SNTG2: variants seen among roughly 807,000 people sequenced by gnomAD.
SNTG2 encodes gamma-2-syntrophin.
SNTG2 carries 74 observed loss-of-function variants against 70.9 expected under a neutral mutation model. The ratio of observed to expected loss-of-function variants is 1.04; its 90% CI spans 0.86 to 1.27. The LOEUF (loss-of-function observed/expected upper bound fraction) is 1.27. Among genes scored for constraint, SNTG2 ranks in the 50% most tolerant of loss-of-function variants. The pLI is 0.00. For missense variants in SNTG2, 717 were observed against 690.7 expected (o/e 1.04, Z -0.43); for synonymous variants, 278 against 273.8 (o/e 1.02, Z -0.15).
At chr2:1,249,339 T>A (rs1300137486) in intron 12 of SNTG2, among the ~76,000 whole-genome samples, 1 of 152,232 alleles carries the variant, frequency 6.6e-6, no homozygotes, top group Non-Finnish European at 1.5e-5. Context: ...ATTTGAGTCT[T>A]GCTTTTACAG....
At chr2:1,145,461 A>G (rs1669037170) in intron 6 of SNTG2, among the ~76,000 whole-genome samples, 1 of 152,234 alleles carries the variant, frequency 6.6e-6, no homozygotes, top group African/African-American at 2.4e-5. Context: ...TAACCTGGAT[A>G]AAATGCACCA....
intron 12 of SNTG2, 55 bp downstream of exon 12, chr2:1,247,498 T>C: frequency 8.0e-7 from 1 of 1,243,398 alleles, no homozygotes; most frequent in Non-Finnish European, 1.2e-6. Flanking sequence ...GCTATTCCTG[T>C]AGGAGGGGGA....
At chr2:1,155,022 CACCACACAT>C (rs1405994395) in intron 6 of SNTG2, among the ~76,000 whole-genome samples, 4 of 151,134 alleles carry the variant, frequency 2.6e-5, no homozygotes, top group South Asian at 4.2e-4. Flanking sequence ...CATAGTCATA[CACCACACAT>C]ACCACACATA....
chr2:1,144,596 C>A (rs1668976846), intron 6 of SNTG2, among the ~76,000 whole-genome samples: 1 of 152,138 alleles, frequency 6.6e-6, no homozygotes. Context: ...TTCTACGTGG[C>A]TGGGGAGGCC....
chr2:1,126,462 C>T (rs1667704554), intron 4 of SNTG2, among the ~76,000 whole-genome samples: 1 of 152,210 alleles, frequency 6.6e-6, no homozygotes, highest in South Asian at 2.1e-4. Flanking sequence ...GCAGATATAT[C>T]TTTGACATAC....
chr2:1,355,453 C>T (rs536956525), intron 16 of SNTG2, among the ~76,000 whole-genome samples: 1 of 152,338 alleles, frequency 6.6e-6, no homozygotes, highest in East Asian at 1.9e-4. Context: ...GTTTGTTCTG[C>T]TGTGACTGGC....
intron 6 of SNTG2, among the ~76,000 whole-genome samples, chr2:1,155,456 A>G (rs1669831403): frequency 6.6e-6 from 1 of 150,524 alleles, no homozygotes; most frequent in South Asian, 2.1e-4. Context: ...CACACACACC[A>G]GACACAAGCA....
chr2:970,537 C>G (rs564063442), intron 1 of SNTG2, among the ~76,000 whole-genome samples: 49 of 142,270 alleles, frequency 3.4e-4, no homozygotes, highest in African/African-American at 1.2e-3. Context: ...TTTGTTCTTG[C>G]GATAGTTTAC....
At position 1,259,435 on chromosome 2, in the gene SNTG2, T is replaced by C. The variant is rs1423033746; in HGVS notation, c.1071T>C (p.Val357=). ...ACCTCTGTGAGGTGCTATTTAAAGT[T>C]CACAAGGTAGGTATCTTTTGCACTT... is the stretch of plus-strand genomic sequence containing the variant. ...TYHLCEVLFK[V]HKFWLTEDCW... The change falls in exon 13 of 17, where the codon GTT becomes GTC. Residue 357 remains valine (V), a synonymous_variant. Transcript: ENST00000308624. 4 of 1,613,750 alleles carry C rather than the reference T, an allele frequency of 2.5e-6. No homozygotes were observed. The South Asian group carries it at 4.4e-5, about 18-fold the overall frequency.
At chr2:1,198,266 A>C (rs1673052974) in intron 8 of SNTG2, among the ~76,000 whole-genome samples, 1 of 152,138 alleles carries the variant, frequency 6.6e-6, no homozygotes, top group African/African-American at 2.4e-5. Flanking sequence ...TGGGTCAATA[A>C]AGAATTTAAG....
chr2:1,085,214 C>T (rs780914248), intron 2 of SNTG2, among the ~76,000 whole-genome samples: 9 of 152,094 alleles, frequency 5.9e-5, no homozygotes, highest in Non-Finnish European at 1.0e-4. Flanking sequence ...AGGAAGCTTT[C>T]GTAATCATTT....
chr2:1,096,203 A>G (rs1400593519), intron 2 of SNTG2, among the ~76,000 whole-genome samples: 1 of 152,172 alleles, frequency 6.6e-6, no homozygotes, highest in African/African-American at 2.4e-5. Context: ...ATTCAGCTTT[A>G]TTGAGCTACA....
chr2:957,121 A>G (rs1660190984), intron 1 of SNTG2, among the ~76,000 whole-genome samples: 1 of 152,224 alleles, frequency 6.6e-6, no homozygotes, highest in South Asian at 2.1e-4. Context: ...ACCTGGGGAC[A>G]TCCAGAACCC....
At chr2:1,229,723 G>A (rs1187798606) in intron 9 of SNTG2, among the ~76,000 whole-genome samples, 1 of 152,230 alleles carries the variant, frequency 6.6e-6, no homozygotes, top group Non-Finnish European at 1.5e-5. Flanking sequence ...GTGGCGGGCT[G>A]CAGGTCCTAA....
intron 6 of SNTG2, among the ~76,000 whole-genome samples, chr2:1,151,086 TATGGTATGACGAACA>T (rs1669454128): frequency 6.6e-6 from 1 of 152,220 alleles, no homozygotes; most frequent in African/African-American, 2.4e-5. Flanking sequence ...GTATAGAATA[TATGGTATGACGAACA>T]GTGGAAAGTA....
chr2:1,366,577 C>G (rs1661498244), intron 16 of SNTG2, among the ~76,000 whole-genome samples: 1 of 152,140 alleles, frequency 6.6e-6, no homozygotes, highest in South Asian at 2.1e-4. Flanking sequence ...AGGGGTATAA[C>G]CGTCTCTCTA....
In SNTG2 at chr2:1,222,097, CTCTCTCTG is replaced by C. The variant is rs1473294611; in HGVS notation, c.719+12875_719+12882del. Among the ~76,000 whole-genome samples, 6 of 16,660 alleles carry C rather than the reference CTCTCTCTG, an allele frequency of 3.6e-4. 1 individual carries two copies. Among genetic ancestry groups the C allele is most frequent in the Admixed American group, 2.2e-3 (3 of 1,342 alleles). The allele number at this position is 16,660 out of a possible 152,430, so 10.9% of individuals were successfully genotyped here. A position where few individuals can be genotyped will look rare whatever the true frequency, so the allele number is the denominator to read the frequency against. On this transcript the variant is annotated intron_variant, in intron 9 of 16. Coordinates refer to ENST00000308624, the MANE Select transcript of SNTG2 (RefSeq NM_018968.4). ...TGTCTCTGTCTCTGTCTCTCTCTGT[CTCTCTCTG>C]TCTCTCTCTGTCTCTCTCTGTCTCT...
intron 14 of SNTG2, among the ~76,000 whole-genome samples, chr2:1,275,163 C>A (rs934623595): frequency 6.6e-6 from 1 of 152,206 alleles, no homozygotes; most frequent in Non-Finnish European, 1.5e-5. Flanking sequence ...CCCACCAGGG[C>A]GGAGCCATCA....
chr2:1,166,263 G>C (rs1262875388), intron 7 of SNTG2, among the ~76,000 whole-genome samples: 4 of 152,158 alleles, frequency 2.6e-5, no homozygotes, highest in Non-Finnish European at 5.9e-5. Flanking sequence ...AATCGGGAAA[G>C]GCCTCGAAGG....
Sources: gnomAD v4.1 joint callset for allele counts (sites outside exome capture counted in the v4.1 genomes callset) on GRCh38, gnomAD v4.1.1 for gene constraint, MANE v1.5 for transcripts, NCBI Gene and HGNC (gene_info 2026-07-23, HGNC 2026-07-21) for gene names.